The following PLCH1 variants were observed in gnomAD, a reference collection of about 807,000 sequenced individuals.
The protein encoded by PLCH1 is phospholipase C eta 1.
In PLCH1, 60 loss-of-function variants were observed where a neutral mutation model predicts 126.7. The observed-to-expected ratio is 0.47, with a 90% CI of 0.38 to 0.59. The LOEUF (loss-of-function observed/expected upper bound fraction) is 0.59. Among genes scored for constraint, PLCH1 ranks in the 20% least tolerant of loss-of-function variants. The pLI, the probability that PLCH1 is intolerant of heterozygous loss-of-function variation, is 0.00. For synonymous variants in PLCH1, 719 were observed against 734.9 expected, an observed-to-expected ratio of 0.98 and a Z score of 0.35; for missense variants, 1,723 against 2,040.0, an observed-to-expected ratio of 0.84 and a Z score of 2.99.
chr3:155,471,467 C>T (rs1403576245), intron 21 of PLCH1, among the ~76,000 whole-genome samples: 1 of 146,994 alleles, frequency 6.8e-6, no homozygotes. Context: ...GACTCCCACA[C>T]ATTAATAATG....
chr3:155,546,255 G>C (rs2108427730), intron 10 of PLCH1, among the ~76,000 whole-genome samples: 1 of 152,212 alleles, frequency 6.6e-6, no homozygotes, highest in East Asian at 1.9e-4. Flanking sequence ...CAGACAAACA[G>C]AGAGCCAAAT....
At chr3:155,740,406 C>CAAAAAA (rs60626575) in intron 1 of PLCH1, among the ~76,000 whole-genome samples, 1 of 102,188 alleles carries the variant, frequency 9.8e-6, no homozygotes, top group Non-Finnish European at 2.2e-5. Context: ...GACTCTGTCT[C>CAAAAAA]AAAAAAAAAA....
At chr3:155,624,183 T>C (rs1736926289) in intron 2 of PLCH1, among the ~76,000 whole-genome samples, 1 of 152,194 alleles carries the variant, frequency 6.6e-6, no homozygotes, top group South Asian at 2.1e-4. Context: ...AGAAAAGGCC[T>C]TTGACAAAAT....
chr3:155,482,947 T>C lies in PLCH1; in HGVS notation c.3079A>G (p.Lys1027Glu). 6.2e-7 allele frequency: 1 copy of C among 1,614,204 alleles called. No homozygotes were observed. Among genetic ancestry groups the C allele is most frequent in the South Asian group, 1.1e-5 (1 of 91,084 alleles). The change falls in exon 23 of 23, where the codon AAA becomes GAA. Residue 1027 changes from lysine to glutamate, a missense_variant. Transcript: ENST00000460012. ...LSSSSSALLH[K>E]DTSQGDTIVS... ...ATGGTGTCCCCTTGGCTGGTATCTT[T>C]GTGGAGCAGAGCACTGGAGGAGGAT... is the stretch of plus-strand genomic sequence containing the variant.
At chr3:155,728,799 AT>A (rs1363131775) in intron 1 of PLCH1, among the ~76,000 whole-genome samples, 1 of 152,186 alleles carries the variant, frequency 6.6e-6, no homozygotes, top group Non-Finnish European at 1.5e-5. Flanking sequence ...CACAATACTG[AT>A]TGGAAATTAA....
intron 7 of PLCH1, 76 bp from the exon 8 acceptor site, chr3:155,565,194 G>A (rs1728174681): frequency 1.2e-6 from 1 of 859,342 alleles, no homozygotes; most frequent in Non-Finnish European, 1.9e-6. Context: ...GGCAAAAGGG[G>A]TCAAAAAATG....
chr3:155,530,428 T>C (rs1332262321), intron 10 of PLCH1, among the ~76,000 whole-genome samples: 1 of 151,924 alleles, frequency 6.6e-6, no homozygotes, highest in Non-Finnish European at 1.5e-5. Context: ...ACCATTCTCC[T>C]GCCTCAGCCT....
intron 2 of PLCH1, among the ~76,000 whole-genome samples, chr3:155,628,071 G>C (rs1342904387): frequency 6.6e-6 from 1 of 151,964 alleles, no homozygotes; most frequent in Non-Finnish European, 1.5e-5. Context: ...CCGGGCTTAA[G>C]ACACATTTTT....
chr3:155,659,346 G>A (rs1157730541), intron 2 of PLCH1, among the ~76,000 whole-genome samples: 3 of 51,576 alleles, frequency 5.8e-5, no homozygotes, highest in Admixed American at 3.1e-4. Context: ...TTTTTTTTCC[G>A]AGATAGGGTT....
At position 155,727,201 on chromosome 3, in the gene PLCH1, A is replaced by C. The variant is rs577163433; in HGVS notation, c.-41+17639T>G. Among the ~76,000 whole-genome samples the C allele has an allele frequency of 2.0e-5, 3 of 152,076 alleles. No individual in the cohort carries two copies. In the East Asian group the frequency reaches 5.8e-4, roughly 29 times the overall value. On this transcript the variant is annotated intron_variant, in intron 1 of 22. Transcript: ENST00000460012. Reference sequence around the variant, plus strand: ...GCTTGGTTAGTCCTCATAGTTTCTTATCTTAAGCTCGTATCTTGTGTTTAG... The same window carrying C: ...GCTTGGTTAGTCCTCATAGTTTCTTCTCTTAAGCTCGTATCTTGTGTTTAG...
intron 1 of PLCH1, among the ~76,000 whole-genome samples, chr3:155,717,045 G>A (rs1747571618): frequency 1.3e-5 from 2 of 152,200 alleles, no homozygotes; most frequent in Non-Finnish European, 2.9e-5. Flanking sequence ...CAAAAGAAAG[G>A]GGCCACAGGC....
intron 10 of PLCH1, among the ~76,000 whole-genome samples, chr3:155,542,937 A>G (rs1349090191): frequency 6.6e-6 from 1 of 151,760 alleles, no homozygotes; most frequent in Admixed American, 6.6e-5. Context: ...AAAGATGGGG[A>G]AAAAACAGAG....
intron 6 of PLCH1, among the ~76,000 whole-genome samples, chr3:155,580,805 A>G (rs192597294): frequency 3.9e-5 from 6 of 152,308 alleles, no homozygotes; most frequent in Admixed American, 3.3e-4. Context: ...AAAATCCAGC[A>G]AACGTTAAAA....
chr3:155,680,929 T>C (rs1744471093), intron 2 of PLCH1, among the ~76,000 whole-genome samples: 1 of 151,996 alleles, frequency 6.6e-6, no homozygotes, highest in Non-Finnish European at 1.5e-5. Flanking sequence ...ATGTTTGACA[T>C]ACTAAGTGAA....
At chr3:155,477,290 A>T (rs2107989146), downstream of PLCH1, among the ~76,000 whole-genome samples, 1 of 152,280 alleles carries the variant, frequency 6.6e-6, no homozygotes, top group African/African-American at 2.4e-5. Context: ...TTAAGCTATA[A>T]AATGACTACA....
chr3:155,583,741 T>C, intron 5 of PLCH1, 99 bp from the exon 6 acceptor site: 1 of 764,002 alleles, frequency 1.3e-6, no homozygotes, highest in Non-Finnish European at 2.0e-6. Flanking sequence ...AGTACACAAA[T>C]CCCAAGAGGT....
chr3:155,586,481 T>A (rs1577073868), intron 4 of PLCH1, among the ~76,000 whole-genome samples: 1 of 151,918 alleles, frequency 6.6e-6, no homozygotes, highest in Non-Finnish European at 1.5e-5. Context: ...CTGAGGCAGG[T>A]GGATCACCTG....
rs546457296 is a variant in PLCH1, at chr3:155,654,359, C to T, written c.79+49787G>A. On this transcript the variant is annotated intron_variant, in intron 2 of 22. Transcript: ENST00000460012. ...CTAGCAAGTACCATGATTTTAAATACGTGATGATTCCCTAATGTATATCTA... is the reference window on the plus strand; with the variant it reads ...CTAGCAAGTACCATGATTTTAAATATGTGATGATTCCCTAATGTATATCTA... Among the ~76,000 whole-genome samples, 3 of 152,164 alleles carry T rather than the reference C, an allele frequency of 2.0e-5. No homozygotes were observed. The South Asian group carries it at 6.2e-4, about 32-fold the overall frequency.
intron 2 of PLCH1, among the ~76,000 whole-genome samples, chr3:155,618,680 T>C (rs554574900): frequency 5.9e-5 from 9 of 152,334 alleles, no homozygotes; most frequent in Admixed American, 2.6e-4. Context: ...GGGCTCTGGC[T>C]CTGTTGCCCA....
Sources: allele counts gnomAD v4.1 joint callset (sites outside exome capture counted in the v4.1 genomes callset), GRCh38; gene constraint gnomAD v4.1.1; transcripts MANE v1.5; gene names NCBI Gene and HGNC (gene_info 2026-07-23, HGNC 2026-07-21).